The following NELL1 variants were observed in gnomAD, a reference collection of about 807,000 sequenced individuals.
The protein encoded by NELL1 is protein kinase C-binding protein NELL1.
A neutral mutation model predicts 107.4 loss-of-function variants in NELL1; 76 were observed. The ratio of observed to expected loss-of-function variants is 0.71; its 90% confidence interval spans 0.59 to 0.86. The LOEUF (loss-of-function observed/expected upper bound fraction) is 0.86. Ranked by LOEUF, NELL1 falls within the 40% of genes least tolerant of loss-of-function variation. NELL1 has a pLI of 0.00. For missense variants in NELL1, 1,024 were observed against 1,005.5 expected (o/e 1.02, Z -0.25); for synonymous variants, 353 against 341.2 (o/e 1.03, Z -0.38).
chr11:21,009,997 G>T (rs900101945), intron 12 of NELL1, among the ~76,000 whole-genome samples: 11 of 136,754 alleles, frequency 8.0e-5, no homozygotes, highest in Non-Finnish European at 1.2e-4. Flanking sequence ...CCTGTGCTGT[G>T]GGATGTGGCT....
intron 15 of NELL1, among the ~76,000 whole-genome samples, chr11:21,478,275 C>T (rs542276397): frequency 2.0e-5 from 3 of 152,200 alleles, no homozygotes; most frequent in South Asian, 2.1e-4. Context: ...GTCCCTCCCT[C>T]GACACATGGG....
chr11:21,294,193 C>T (rs974472049), intron 14 of NELL1, among the ~76,000 whole-genome samples: 6 of 152,090 alleles, frequency 3.9e-5, no homozygotes, highest in Non-Finnish European at 7.4e-5. Flanking sequence ...TGTTTCCCTC[C>T]TACATCTTTA....
intron 5 of NELL1, among the ~76,000 whole-genome samples, chr11:20,894,096 C>T (rs4922672): frequency 0.99 from 150,321 of 152,316 alleles, 74,201 homozygotes; most frequent in East Asian, 1. Context: ...AGCACTAATC[C>T]TGACCCTGTT....
At chr11:21,509,308 T>C (rs1855376917) in intron 15 of NELL1, among the ~76,000 whole-genome samples, 1 of 152,178 alleles carries the variant, frequency 6.6e-6, no homozygotes, top group Admixed American at 6.5e-5. Flanking sequence ...AATTATTTTC[T>C]AGTTTGGTAG....
At chr11:20,995,112 G>A (rs1852060333) in intron 12 of NELL1, among the ~76,000 whole-genome samples, 1 of 149,536 alleles carries the variant, frequency 6.7e-6, no homozygotes, top group African/African-American at 2.5e-5. Flanking sequence ...ATATCTAACA[G>A]ACTTAATTTT....
chr11:20,893,325 A>G (rs941346403), intron 5 of NELL1, among the ~76,000 whole-genome samples: 5 of 150,962 alleles, frequency 3.3e-5, no homozygotes, highest in African/African-American at 1.2e-4. Context: ...ACCATGACAC[A>G]TGTCCTATGT....
At chr11:21,399,022 C>T (rs34989035) in intron 15 of NELL1, among the ~76,000 whole-genome samples, 8 of 146,796 alleles carry the variant, frequency 5.4e-5, no homozygotes, top group East Asian at 2.1e-4. Flanking sequence ...GTGGTAAGAA[C>T]AGCCATGTCT....
At chr11:20,823,457 G>GGCAGCA (rs375180863) in intron 3 of NELL1, among the ~76,000 whole-genome samples, 58 of 151,204 alleles carry the variant, frequency 3.8e-4, no homozygotes, top group African/African-American at 1.3e-3. Context: ...GTCTGGAAGG[G>GGCAGCA]GCAGCAGCAG....
At chr11:20,843,627 TAA>T (rs1004091983) in intron 3 of NELL1, among the ~76,000 whole-genome samples, 1 of 87,976 alleles carries the variant, frequency 1.1e-5, no homozygotes, top group Non-Finnish European at 3.5e-5. Context: ...TATATGAATA[TAA>T]AATTTTATTA....
At chr11:21,014,916 G>C (rs1203213674) in intron 12 of NELL1, among the ~76,000 whole-genome samples, 3 of 152,010 alleles carry the variant, frequency 2.0e-5, no homozygotes, top group Non-Finnish European at 4.4e-5. Context: ...AAATAGTCTT[G>C]ATTTTGGCTC....
At chr11:20,688,905 T>C (rs531891320) in intron 2 of NELL1, among the ~76,000 whole-genome samples, 3 of 152,168 alleles carry the variant, frequency 2.0e-5, no homozygotes, top group African/African-American at 7.2e-5. Flanking sequence ...GAACATCTGG[T>C]GTATTTTGAC....
Position 21,570,862 on chromosome 11 carries a change from A to G in NELL1, c.2079A>G (p.Gln693=). The G allele has an allele frequency of 6.2e-7, 1 of 1,612,062 alleles. No individual in the cohort carries two copies. Among genetic ancestry groups the G allele is most frequent in the Non-Finnish European group, 8.5e-7 (1 of 1,178,710 alleles). ...AATGTGACACCAGAGTCACAAGTCAATGTTTAGACCAAAATGGTCACAAGC... is the reference window on the plus strand; with the variant it reads ...AATGTGACACCAGAGTCACAAGTCAGTGTTTAGACCAAAATGGTCACAAGC... ...CPECDTRVTS[Q]CLDQNGHKLY... The change falls in exon 18 of 20, where the codon CAA becomes CAG. Residue 693 remains glutamine (Q), a synonymous_variant. Transcript: ENST00000357134.
chr11:21,372,811 G>T (rs937325557), intron 15 of NELL1, among the ~76,000 whole-genome samples: 3 of 151,896 alleles, frequency 2.0e-5, no homozygotes, highest in African/African-American at 7.2e-5. Context: ...CTTAGACCAG[G>T]GCCTGTGATC....
At chr11:21,479,921 G>C (rs181347864) in intron 15 of NELL1, among the ~76,000 whole-genome samples, 1 of 151,620 alleles carries the variant, frequency 6.6e-6, no homozygotes. Flanking sequence ...TTTTTTCCTC[G>C]AGATAAACAG....
intron 12 of NELL1, among the ~76,000 whole-genome samples, chr11:21,099,382 G>C (rs753103293): frequency 6.6e-6 from 1 of 152,076 alleles, no homozygotes; most frequent in Non-Finnish European, 1.5e-5. Flanking sequence ...GCAGTCCATG[G>C]AGGAAGAGAA....
chr11:21,559,959 A>C (rs575387747), intron 16 of NELL1, among the ~76,000 whole-genome samples: 2 of 152,212 alleles, frequency 1.3e-5, no homozygotes, highest in African/African-American at 4.8e-5. Context: ...CATGTTATTT[A>C]AGTTATGAAC....
intron 9 of NELL1, among the ~76,000 whole-genome samples, chr11:20,932,137 G>A (rs1448094299): frequency 6.6e-6 from 1 of 152,042 alleles, no homozygotes; most frequent in Middle Eastern, 3.4e-3. Flanking sequence ...ACTATTCAAG[G>A]CATATTTAAT....
chr11:20,797,962 T>C (rs1857206659), intron 3 of NELL1, among the ~76,000 whole-genome samples: 1 of 152,170 alleles, frequency 6.6e-6, no homozygotes, highest in African/African-American at 2.4e-5. Context: ...TTCCAGTAAA[T>C]GGTTAAAAGC....
At chr11:20,801,680 A>G (rs994908869) in intron 3 of NELL1, among the ~76,000 whole-genome samples, 11 of 152,244 alleles carry the variant, frequency 7.2e-5, no homozygotes, top group Middle Eastern at 3.4e-3. Context: ...GAGTTTCCCC[A>G]ATGTTTTCTT....
Sources: gnomAD v4.1 joint callset for allele counts (sites outside exome capture counted in the v4.1 genomes callset) on GRCh38, gnomAD v4.1.1 for gene constraint, MANE v1.5 for transcripts, NCBI Gene and HGNC (gene_info 2026-07-23, HGNC 2026-07-21) for gene names.